B3GALT1: variants seen among roughly 807,000 people sequenced by gnomAD.
The protein encoded by B3GALT1 is beta-1,3-galactosyltransferase 1.
In B3GALT1, 10 loss-of-function variants were observed where a neutral mutation model predicts 23.2. The observed-to-expected ratio is 0.43, with a 90% CI of 0.27 to 0.73. The LOEUF (loss-of-function observed/expected upper bound fraction) is 0.73. Among genes scored for constraint, B3GALT1 ranks in the 30% least tolerant of loss-of-function variants. B3GALT1 has a pLI of 0.21. For synonymous variants in B3GALT1, 156 were observed against 141.5 expected (o/e 1.10, Z -0.73); for missense variants, 299 against 405.4 (o/e 0.74, Z 2.25).
At chr2:167,360,879 C>G (rs1305069166) in intron 1 of B3GALT1, among the ~76,000 whole-genome samples, 4 of 152,120 alleles carry the variant, frequency 2.6e-5, no homozygotes, top group African/African-American at 9.7e-5. Flanking sequence ...CCTCTCCAGC[C>G]TCTGGTAACC....
At chr2:167,358,683 T>C (rs1231130155) in intron 1 of B3GALT1, among the ~76,000 whole-genome samples, 1 of 152,180 alleles carries the variant, frequency 6.6e-6, no homozygotes, top group African/African-American at 2.4e-5. Context: ...CTATACACTA[T>C]ATTGGAATTA....
intron 3 of B3GALT1, among the ~76,000 whole-genome samples, chr2:167,688,608 CAG>C (rs1686655641): frequency 6.6e-6 from 1 of 151,624 alleles, no homozygotes; most frequent in South Asian, 2.1e-4. Context: ...GTCTGAACAA[CAG>C]AGAGAAAATC....
intron 2 of B3GALT1, among the ~76,000 whole-genome samples, chr2:167,600,586 T>C (rs1684857464): frequency 6.6e-6 from 1 of 152,222 alleles, no homozygotes; most frequent in Non-Finnish European, 1.5e-5. Context: ...ATCTGTTTTC[T>C]ATGTGTAGAT....
chr2:167,813,246 A>G (rs896132925), intron 3 of B3GALT1, among the ~76,000 whole-genome samples: 2 of 152,224 alleles, frequency 1.3e-5, no homozygotes, highest in Non-Finnish European at 2.9e-5. Flanking sequence ...TCATTTAAGA[A>G]GATGATATTG....
chr2:167,452,815 G>A (rs375926877), intron 1 of B3GALT1, among the ~76,000 whole-genome samples: 1 of 152,184 alleles, frequency 6.6e-6, no homozygotes, highest in East Asian at 1.9e-4. Flanking sequence ...AGAGGCTGAT[G>A]TAGAAGCCAA....
intron 2 of B3GALT1, among the ~76,000 whole-genome samples, chr2:167,589,364 T>C (rs1480753043): frequency 6.6e-6 from 1 of 152,192 alleles, no homozygotes; most frequent in Non-Finnish European, 1.5e-5. Context: ...TTCTTTTTAA[T>C]GGTTTCTGCC....
chr2:167,819,574 C>T (rs1365133949), intron 4 of B3GALT1, among the ~76,000 whole-genome samples: 2 of 152,288 alleles, frequency 1.3e-5, no homozygotes, highest in East Asian at 3.9e-4. Context: ...CCTATCTTTC[C>T]CATCATAGCC....
chr2:167,352,126 ATT>A (rs79128775), intron 1 of B3GALT1, among the ~76,000 whole-genome samples: 13 of 138,194 alleles, frequency 9.4e-5, no homozygotes, highest in Admixed American at 1.4e-4. Flanking sequence ...TACCCGGCTA[ATT>A]TTTTTTTTTT....
intron 2 of B3GALT1, among the ~76,000 whole-genome samples, chr2:167,579,321 T>C (rs1684439327): frequency 6.6e-6 from 1 of 151,972 alleles, no homozygotes; most frequent in African/African-American, 2.4e-5. Context: ...ATTTTCTATT[T>C]AAAATTTTTA....
chr2:167,776,076 AC>A (rs1408312631), intron 3 of B3GALT1, among the ~76,000 whole-genome samples: 18 of 148,130 alleles, frequency 1.2e-4, no homozygotes, highest in African/African-American at 4.4e-4. Context: ...ACACACACAC[AC>A]AATTATAGGT....
intron 4 of B3GALT1, among the ~76,000 whole-genome samples, chr2:167,861,436 G>A (rs1456573005): frequency 1.3e-5 from 2 of 152,096 alleles, no homozygotes; most frequent in East Asian, 1.9e-4. Flanking sequence ...TTGCAGGAGT[G>A]GGCAGAATGG....
intron 1 of B3GALT1, among the ~76,000 whole-genome samples, chr2:167,320,638 T>A (rs1246186272): frequency 6.6e-6 from 1 of 152,102 alleles, no homozygotes; most frequent in Non-Finnish European, 1.5e-5. Flanking sequence ...TCACCCCAGT[T>A]CATAGAAGCA....
chr2:167,672,560 T>C (rs978022756), intron 3 of B3GALT1, among the ~76,000 whole-genome samples: 1 of 152,170 alleles, frequency 6.6e-6, no homozygotes, highest in African/African-American at 2.4e-5. Flanking sequence ...CCAGATACTC[T>C]GGGGTGAAGC....
chr2:167,720,822 A>G (rs1687219774), intron 3 of B3GALT1, among the ~76,000 whole-genome samples: 1 of 152,188 alleles, frequency 6.6e-6, no homozygotes, highest in African/African-American at 2.4e-5. Context: ...TACTGAGGAT[A>G]TTACATGGGG....
chr2:167,384,821 C>T (rs1470576125), intron 1 of B3GALT1, among the ~76,000 whole-genome samples: 10 of 152,056 alleles, frequency 6.6e-5, no homozygotes, highest in Admixed American at 6.6e-4. Context: ...ATCCCTCTCA[C>T]CTGTTTAAAA....
At chr2:167,723,752 A>G (rs1354559795) in intron 3 of B3GALT1, among the ~76,000 whole-genome samples, 1 of 152,126 alleles carries the variant, frequency 6.6e-6, no homozygotes, top group Non-Finnish European at 1.5e-5. Flanking sequence ...GCTGGTCTCG[A>G]ACTCCTGACC....
chr2:167,468,159 C>A (rs932249928), intron 1 of B3GALT1, among the ~76,000 whole-genome samples: 5 of 152,068 alleles, frequency 3.3e-5, no homozygotes, highest in Admixed American at 6.5e-5. Flanking sequence ...TGTGCACTAT[C>A]TGAAGGACTG....
chr2:167,393,632 A>G (rs1419429015), intron 1 of B3GALT1, among the ~76,000 whole-genome samples: 2 of 152,224 alleles, frequency 1.3e-5, no homozygotes, highest in East Asian at 3.8e-4. Flanking sequence ...CCTTTTAAAA[A>G]TAGGGTTTAT....
Position 167,812,960 on chromosome 2 carries a change from T to TACAC in B3GALT1, c.-351-5697_-351-5694dup, listed in dbSNP as rs376818432. On this transcript the variant is annotated intron_variant, in intron 3 of 4. Transcript: ENST00000392690. ...AATCACACACCAAGACATACATGCA[T>TACAC]ACACACACACACACACACGCACCAC... Among the ~76,000 whole-genome samples, 78 of 140,088 alleles carry TACAC rather than the reference T, an allele frequency of 5.6e-4. 1 individual carries two copies. Among genetic ancestry groups the TACAC allele is most frequent in the African/African-American group, 1.6e-3 (60 of 37,550 alleles). The allele number at this position is 140,088 out of a possible 152,430, so 91.9% of individuals were successfully genotyped here. A position where few individuals can be genotyped will look rare whatever the true frequency, so the allele number is the denominator to read the frequency against.
Sources: allele counts gnomAD v4.1 joint callset (sites outside exome capture counted in the v4.1 genomes callset), GRCh38; gene constraint gnomAD v4.1.1; transcripts MANE v1.5; gene names NCBI Gene and HGNC (gene_info 2026-07-23, HGNC 2026-07-21).